The following KLF9 variants were observed in gnomAD, a reference collection of about 807,000 sequenced individuals.
The protein encoded by KLF9 is Krueppel-like factor 9.
Under a neutral mutation model 17.3 loss-of-function variants are expected in KLF9, and 2 were observed. The observed-to-expected ratio is 0.12, with a 90% CI of 0.05 to 0.36. The LOEUF (loss-of-function observed/expected upper bound fraction) is 0.36, where lower values mean the gene tolerates loss of function less well. Ranked by LOEUF, KLF9 falls within the 10% of genes least tolerant of loss-of-function variation. The pLI, the probability that KLF9 is intolerant of heterozygous loss-of-function variation, is 1.00. For synonymous variants in KLF9, 138 were observed against 139.2 expected (o/e 0.99, Z 0.06); for missense variants, 226 against 333.2 (o/e 0.68, Z 2.51).
At chr9:70,393,087 C>T (rs2118909610) in intron 1 of KLF9, among the ~76,000 whole-genome samples, 1 of 152,338 alleles carries the variant, frequency 6.6e-6, no homozygotes, top group South Asian at 2.1e-4. Context: ...TGCTGACTGA[C>T]TCAGCTCAGA....
intron 1 of KLF9, among the ~76,000 whole-genome samples, chr9:70,391,142 T>C (rs1390605286): frequency 6.6e-6 from 1 of 152,066 alleles, no homozygotes; most frequent in Admixed American, 6.6e-5. Context: ...CTGTGTCCAC[T>C]GTGGGGAAAA....
chr9:70,388,708 C>G (rs2118905751), intron 1 of KLF9, among the ~76,000 whole-genome samples: 1 of 152,278 alleles, frequency 6.6e-6, no homozygotes, highest in African/African-American at 2.4e-5. Context: ...CTGGAACGAG[C>G]ATTTCTCCCT....
rs1340567153 is a variant in KLF9, at chr9:70,400,348, TCAC to T, written c.506-12346_506-12344del. Among the ~76,000 whole-genome samples, 3 of 151,870 alleles carry T rather than the reference TCAC, an allele frequency of 2.0e-5. No individual in the cohort carries two copies. In the East Asian group the frequency reaches 5.8e-4, roughly 29 times the overall value. On this transcript the variant is annotated intron_variant, in intron 1 of 1. Coordinates refer to ENST00000377126, the MANE Select transcript of KLF9 (RefSeq NM_001206.4). Reference sequence around the variant, plus strand: ...TGCATGACAGACGTCTCAGTGGACATCACCACAAGGTCAAAGGACAGCATGCAA... The same window carrying T: ...TGCATGACAGACGTCTCAGTGGACATCACAAGGTCAAAGGACAGCATGCAA...
At chr9:70,405,149 C>T (rs897176923) in intron 1 of KLF9, among the ~76,000 whole-genome samples, 6 of 152,190 alleles carry the variant, frequency 3.9e-5, no homozygotes, top group African/African-American at 1.4e-4. Context: ...ATTTTGCTCC[C>T]GGTTCTAAAA....
At chr9:70,409,072 GTATATATATACACA>G (rs1564089197) in intron 1 of KLF9, among the ~76,000 whole-genome samples, 1 of 102,834 alleles carries the variant, frequency 9.7e-6, no homozygotes, top group African/African-American at 3.5e-5. Flanking sequence ...ATATATATGT[GTATATATATACACA>G]TATATGTATA....
At chr9:70,393,928 G>A (rs1174293588) in intron 1 of KLF9, among the ~76,000 whole-genome samples, 4 of 151,738 alleles carry the variant, frequency 2.6e-5, no homozygotes, top group East Asian at 1.9e-4. Flanking sequence ...AGGCTGAGGC[G>A]GGAAGATTGC....
chr9:70,410,898 T>C (rs889266347), intron 1 of KLF9, among the ~76,000 whole-genome samples: 12 of 152,168 alleles, frequency 7.9e-5, no homozygotes, highest in Admixed American at 2.6e-4. Flanking sequence ...TGTTCAACCA[T>C]GCACTAAGAT....
intron 1 of KLF9, among the ~76,000 whole-genome samples, chr9:70,403,849 T>C (rs966923398): frequency 3.9e-5 from 6 of 152,164 alleles, no homozygotes; most frequent in African/African-American, 1.4e-4. Flanking sequence ...CTGACACTCC[T>C]AACCGAGGTT....
intron 1 of KLF9, among the ~76,000 whole-genome samples, chr9:70,399,455 T>C (rs1378014206): frequency 2.0e-5 from 3 of 152,220 alleles, no homozygotes; most frequent in African/African-American, 4.8e-5. Flanking sequence ...GTGGGAAACA[T>C]AGATAATAAA....
At chr9:70,409,027 TATATATATGTGTATATATATATAC>T (rs1323617974) in intron 1 of KLF9, among the ~76,000 whole-genome samples, 6 of 128,490 alleles carry the variant, frequency 4.7e-5, no homozygotes, top group African/African-American at 1.7e-4. Flanking sequence ...TATATGTATA[TATATATATGTGTATATATATATAC>T]ATATATGTGT....
chr9:70,392,644 G>A (rs560978929), intron 1 of KLF9, among the ~76,000 whole-genome samples: 4 of 152,318 alleles, frequency 2.6e-5, no homozygotes, highest in African/African-American at 9.6e-5. Context: ...AATTAAGGCT[G>A]AATGGGACCA....
chr9:70,394,786 AAC>A (rs1170797083), intron 1 of KLF9, among the ~76,000 whole-genome samples: 1 of 152,236 alleles, frequency 6.6e-6, no homozygotes, highest in Non-Finnish European at 1.5e-5. Context: ...GAATAAGCCT[AAC>A]AATAAAAGTT....
chr9:70,403,845 C>T (rs2037240165), intron 1 of KLF9, among the ~76,000 whole-genome samples: 1 of 152,152 alleles, frequency 6.6e-6, no homozygotes, highest in Admixed American at 6.5e-5. Flanking sequence ...TCTGCTGACA[C>T]TCCTAACCGA....
At chr9:70,394,926 C>T (rs551759858) in intron 1 of KLF9, among the ~76,000 whole-genome samples, 22 of 152,234 alleles carry the variant, frequency 1.4e-4, no homozygotes, top group African/African-American at 4.3e-4. Flanking sequence ...AATTCATCTA[C>T]GGAATTAACA....
intron 1 of KLF9, among the ~76,000 whole-genome samples, chr9:70,408,302 G>A (rs555399011): frequency 1.3e-5 from 2 of 152,278 alleles, no homozygotes; most frequent in African/African-American, 4.8e-5. Context: ...TAATGGAGGG[G>A]ACAATTATGG....
chr9:70,390,348 C>G (rs374342784), intron 1 of KLF9, among the ~76,000 whole-genome samples: 1 of 151,796 alleles, frequency 6.6e-6, no homozygotes, highest in African/African-American at 2.4e-5. Context: ...TGGATAAGAG[C>G]TAGGGTTATT....
At chr9:70,401,191 T>A (rs1034295977) in intron 1 of KLF9, among the ~76,000 whole-genome samples, 3 of 150,042 alleles carry the variant, frequency 2.0e-5, no homozygotes, top group African/African-American at 7.4e-5. Flanking sequence ...AAAAAAAAAT[T>A]TTTTAAATTA....
rs1160904813 is a variant in KLF9 at position 70,386,513 on chromosome 9, C to A, written c.*1263G>T. ...TCACTAGTTATAGGGGTTGATTTTT[C>A]TGTTCCTATTTCAGCTCCCTTTCCT... is the stretch of plus-strand genomic sequence containing the variant. On this transcript the variant is annotated 3_prime_UTR_variant, in exon 2 of 2. Transcript: ENST00000377126. The A allele has an allele frequency of 6.6e-6, 1 of 152,644 alleles. No individual in the cohort carries two copies. Among genetic ancestry groups the A allele is most frequent in the Non-Finnish European group, 1.5e-5 (1 of 68,046 alleles). The allele number at this position is 152,644 out of a possible 1,614,324, so 9.5% of individuals were successfully genotyped here.
chr9:70,400,394 C>A (rs895696424), intron 1 of KLF9, among the ~76,000 whole-genome samples: 1 of 152,052 alleles, frequency 6.6e-6, no homozygotes, highest in African/African-American at 2.4e-5. Flanking sequence ...GGCTCTCCCA[C>A]GAGGCTGAAA....
Sources: allele counts gnomAD v4.1 joint callset (sites outside exome capture counted in the v4.1 genomes callset), GRCh38; gene constraint gnomAD v4.1.1; transcripts MANE v1.5; gene names NCBI Gene and HGNC (gene_info 2026-07-23, HGNC 2026-07-21).